Variants in HOOK3 observed in about 807,000 individuals in gnomAD.
The protein encoded by HOOK3 is protein Hook homolog 3.
In HOOK3, 24 loss-of-function variants were observed where a neutral mutation model predicts 116.3. That is an observed-to-expected ratio of 0.21 (90% CI 0.15 to 0.29). HOOK3 has a LOEUF of 0.29. HOOK3 is among the 10% of genes least tolerant of loss of function. The pLI is 1.00. For missense variants in HOOK3, 632 were observed against 830.2 expected, an observed-to-expected ratio of 0.76 and a Z score of 2.93; for synonymous variants, 275 against 283.0, an observed-to-expected ratio of 0.97 and a Z score of 0.28.
At chr8:42,926,185 A>G (rs985989636) in intron 3 of HOOK3, among the ~76,000 whole-genome samples, 13 of 152,232 alleles carry the variant, frequency 8.5e-5, no homozygotes, top group African/African-American at 1.4e-4. Flanking sequence ...GTGTGTGTGT[A>G]TATAGCTGAA....
At position 43,024,977 on chromosome 8, in the gene HOOK3, C is replaced by T. The variant is rs1165837331; in HGVS notation, c.*6479C>T. The T allele has an allele frequency of 4.9e-6, 1 of 202,942 alleles. No individual in the cohort carries two copies. Among genetic ancestry groups the T allele is most frequent in the South Asian group, 1.9e-4 (1 of 5,274 alleles). The allele number at this position is 202,942 out of a possible 1,614,324, so 12.6% of individuals were successfully genotyped here. A position where few individuals can be genotyped will look rare whatever the true frequency, so the allele number is the denominator to read the frequency against. ...TTTTATTTTTTAAATAGCCTTTTAT[C>T]AAACCATTTCACATGTATTATCTAT... On this transcript the variant is annotated 3_prime_UTR_variant, in exon 22 of 22. Transcript: ENST00000307602.
At chr8:43,002,456 T>G (rs1438985090) in intron 17 of HOOK3, among the ~76,000 whole-genome samples, 4 of 152,156 alleles carry the variant, frequency 2.6e-5, no homozygotes, top group Non-Finnish European at 5.9e-5. Context: ...GTAATTGCTT[T>G]TTAGGAGTTG....
chr8:42,900,529 G>C (rs1276586798), intron 1 of HOOK3, among the ~76,000 whole-genome samples: 2 of 152,060 alleles, frequency 1.3e-5, no homozygotes, highest in Non-Finnish European at 2.9e-5. Context: ...TATAGAATTG[G>C]GGGTGGTATA....
chr8:42,940,362 A>G (rs909857628), intron 4 of HOOK3, among the ~76,000 whole-genome samples: 158 of 152,348 alleles, frequency 1.0e-3, no homozygotes, highest in Admixed American at 9.6e-3. Context: ...CGCGCCCGCA[A>G]TCGCAGGCAC....
intron 1 of HOOK3, among the ~76,000 whole-genome samples, chr8:42,901,596 AC>A (rs142938730): frequency 0.012 from 1,796 of 152,300 alleles, 36 homozygotes; most frequent in African/African-American, 0.039. Context: ...GACATCTCTG[AC>A]CCTTATGAGC....
At chr8:42,917,766 G>A (rs898239074) in intron 2 of HOOK3, among the ~76,000 whole-genome samples, 11 of 152,196 alleles carry the variant, frequency 7.2e-5, no homozygotes, top group African/African-American at 2.7e-4. Flanking sequence ...CTGCTGGAAT[G>A]TCTCATAAAT....
chr8:42,949,883 C>T (rs1364585313), intron 5 of HOOK3, among the ~76,000 whole-genome samples: 2 of 150,922 alleles, frequency 1.3e-5, no homozygotes, highest in Admixed American at 6.6e-5. Context: ...CGCCACTGCA[C>T]TCCAGCCTGG....
intron 5 of HOOK3, among the ~76,000 whole-genome samples, chr8:42,950,174 T>G (rs984664815): frequency 6.6e-6 from 1 of 152,188 alleles, no homozygotes; most frequent in African/African-American, 2.4e-5. Context: ...GCCTCAACTT[T>G]AGAAGGAATG....
intron 2 of HOOK3, among the ~76,000 whole-genome samples, chr8:42,908,375 A>G (rs1466391852): frequency 7.2e-5 from 11 of 152,006 alleles, no homozygotes. Flanking sequence ...GAGAAAAAGA[A>G]CAAAGCTGGA....
chr8:42,961,475 G>GT (rs1334947362), intron 8 of HOOK3, among the ~76,000 whole-genome samples: 1 of 152,174 alleles, frequency 6.6e-6, no homozygotes, highest in Non-Finnish European at 1.5e-5. Flanking sequence ...AAATGAATCA[G>GT]TAAGTAGTTT....
intron 14 of HOOK3, 66 bp from the exon 15 acceptor site, chr8:42,986,589 T>C (rs1214284915): frequency 1.6e-6 from 2 of 1,231,408 alleles, no homozygotes; most frequent in Admixed American, 2.5e-5. Flanking sequence ...ATTTGATACC[T>C]GTGTTGTATA....
intron 1 of HOOK3, among the ~76,000 whole-genome samples, chr8:42,899,208 A>G (rs1285547357): frequency 6.6e-6 from 1 of 152,260 alleles, no homozygotes; most frequent in East Asian, 1.9e-4. Context: ...GCCTGCTGAC[A>G]GAACCTGACA....
At chr8:42,960,366 T>G (rs1808513991) in intron 8 of HOOK3, among the ~76,000 whole-genome samples, 1 of 152,136 alleles carries the variant, frequency 6.6e-6, no homozygotes. Context: ...GATTGCAAAA[T>G]GAATGATAGT....
chr8:43,008,278 A>T (rs969957005), intron 18 of HOOK3, among the ~76,000 whole-genome samples: 1 of 152,026 alleles, frequency 6.6e-6, no homozygotes, highest in Non-Finnish European at 1.5e-5. Flanking sequence ...TCGGCCTCCC[A>T]AAGTGCTGAG....
At chr8:42,959,839 G>A (rs1166169096) in intron 8 of HOOK3, among the ~76,000 whole-genome samples, 3 of 152,058 alleles carry the variant, frequency 2.0e-5, no homozygotes, top group African/African-American at 7.2e-5. Flanking sequence ...TGACTAAAGA[G>A]GGGGACATAC....
At chr8:42,988,364 T>C (rs934562310) in intron 15 of HOOK3, among the ~76,000 whole-genome samples, 1 of 152,222 alleles carries the variant, frequency 6.6e-6, no homozygotes, top group Non-Finnish European at 1.5e-5. Context: ...AGTCTCTCCC[T>C]ACCCTAGTAT....
At chr8:42,984,842 G>A (rs1304969243) in intron 14 of HOOK3, among the ~76,000 whole-genome samples, 1 of 152,184 alleles carries the variant, frequency 6.6e-6, no homozygotes, top group Non-Finnish European at 1.5e-5. Context: ...AGGCAGGGTT[G>A]CAGTGAGCCT....
At chr8:42,924,164 T>C (rs934153738) in intron 2 of HOOK3, among the ~76,000 whole-genome samples, 4 of 152,080 alleles carry the variant, frequency 2.6e-5, no homozygotes, top group South Asian at 2.1e-4. Context: ...TGTGGTGTTA[T>C]GGAAAGATTT....
At chr8:43,013,843 C>A (rs190582311) in intron 21 of HOOK3, among the ~76,000 whole-genome samples, 18 of 152,264 alleles carry the variant, frequency 1.2e-4, no homozygotes, top group African/African-American at 4.3e-4. Context: ...AATTGAATAT[C>A]CCAACACAAA....
Sources: allele counts gnomAD v4.1 joint callset (sites outside exome capture counted in the v4.1 genomes callset), GRCh38; gene constraint gnomAD v4.1.1; transcripts MANE v1.5; gene names NCBI Gene and HGNC (gene_info 2026-07-23, HGNC 2026-07-21).